Variants in MAGI2 observed in about 807,000 individuals in gnomAD.
MAGI2 encodes the protein membrane-associated guanylate kinase, WW and PDZ domain-containing protein 2.
Under a neutral mutation model 133.3 loss-of-function variants are expected in MAGI2, and 35 were observed. That is an observed-to-expected ratio of 0.26 (90% CI 0.20 to 0.35). The LOEUF (loss-of-function observed/expected upper bound fraction) is 0.35, where lower values mean the gene tolerates loss of function less well. MAGI2 is among the 10% of genes least tolerant of loss of function. MAGI2 has a pLI of 1.00. For missense variants in MAGI2, 1,636 were observed against 1,863.4 expected (o/e 0.88, Z 2.25); for synonymous variants, 729 against 710.6 (o/e 1.03, Z -0.41).
At chr7:78,433,150 AAT>A (rs1240363900) in intron 6 of MAGI2, among the ~76,000 whole-genome samples, 1 of 152,078 alleles carries the variant, frequency 6.6e-6, no homozygotes, top group Non-Finnish European at 1.5e-5. Context: ...TTGAATAATC[AAT>A]GTTTTCCCTT....
chr7:79,129,294 A>C (rs1820704093), intron 1 of MAGI2, among the ~76,000 whole-genome samples: 1 of 152,338 alleles, frequency 6.6e-6, no homozygotes, highest in African/African-American at 2.4e-5. Context: ...ACTGAAAGTG[A>C]AAAACACTTT....
At chr7:78,398,082 T>G (rs1474259087) in intron 6 of MAGI2, among the ~76,000 whole-genome samples, 1 of 152,092 alleles carries the variant, frequency 6.6e-6, no homozygotes, top group Admixed American at 6.6e-5. Context: ...GTGTGTGCTG[T>G]GTGAGAAAAG....
chr7:78,748,701 A>AC (rs1823164611), intron 2 of MAGI2, among the ~76,000 whole-genome samples: 1 of 152,066 alleles, frequency 6.6e-6, no homozygotes, highest in Admixed American at 6.6e-5. Flanking sequence ...GATGTAAAAA[A>AC]GATATCGATA....
chr7:78,789,215 A>G (rs146790200), intron 2 of MAGI2, among the ~76,000 whole-genome samples: 82 of 152,360 alleles, frequency 5.4e-4, no homozygotes, highest in African/African-American at 1.8e-3. Flanking sequence ...AATTAAAAAA[A>G]CCAAGATAAA....
intron 2 of MAGI2, among the ~76,000 whole-genome samples, chr7:78,880,278 T>C (rs1235318479): frequency 6.6e-6 from 1 of 152,148 alleles, no homozygotes; most frequent in Non-Finnish European, 1.5e-5. Flanking sequence ...GTCACCAGAC[T>C]GGCCAAGATC....
chr7:79,368,033 G>T (rs1398831225), intron 1 of MAGI2, among the ~76,000 whole-genome samples: 2 of 151,676 alleles, frequency 1.3e-5, no homozygotes, highest in African/African-American at 4.8e-5. Context: ...CACCAGGTTT[G>T]AGAGTACTCC....
chr7:78,703,359 G>T (rs1000739403), intron 2 of MAGI2, among the ~76,000 whole-genome samples: 16 of 152,034 alleles, frequency 1.1e-4, no homozygotes, highest in African/African-American at 3.4e-4. Context: ...GAAGCAGACT[G>T]TAACACAAGT....
chr7:79,079,132 CT>C (rs1350887690), intron 1 of MAGI2, among the ~76,000 whole-genome samples: 2 of 152,074 alleles, frequency 1.3e-5, no homozygotes, highest in Non-Finnish European at 2.9e-5. Flanking sequence ...CTCTCACCCC[CT>C]CCTCATTTCT....
intron 9 of MAGI2, among the ~76,000 whole-genome samples, chr7:78,294,457 T>TTAC (rs1562771657): frequency 6.6e-6 from 1 of 152,034 alleles, no homozygotes; most frequent in Non-Finnish European, 1.5e-5. Context: ...TCTAAAGGTC[T>TTAC]TAACTCTGTT....
chr7:78,840,839 G>T (rs1207817), intron 2 of MAGI2, among the ~76,000 whole-genome samples: 149,818 of 151,676 alleles, frequency 0.99, 73,998 homozygotes, highest in Non-Finnish European at 1. Context: ...AATCTCCTTT[G>T]TTTTTTCATT....
intron 3 of MAGI2, among the ~76,000 whole-genome samples, chr7:78,553,849 A>G (rs952797017): frequency 1.3e-5 from 2 of 152,074 alleles, no homozygotes; most frequent in Admixed American, 6.6e-5. Flanking sequence ...TATGATATGT[A>G]TTTGTCCTAC....
At chr7:78,549,684 TA>T (rs1169449688) in intron 3 of MAGI2, among the ~76,000 whole-genome samples, 1 of 152,152 alleles carries the variant, frequency 6.6e-6, no homozygotes, top group African/African-American at 2.4e-5. Flanking sequence ...ATGTGACACA[TA>T]AAAAAGACTA....
chr7:78,021,733 TA>T (rs1202495490), intron 21 of MAGI2, among the ~76,000 whole-genome samples: 1 of 152,246 alleles, frequency 6.6e-6, no homozygotes, highest in Non-Finnish European at 1.5e-5. Context: ...GGTAAAATCC[TA>T]GAAGTCCTGG....
chr7:79,235,498 G>A (rs970391848), intron 1 of MAGI2, among the ~76,000 whole-genome samples: 2 of 152,222 alleles, frequency 1.3e-5, no homozygotes, highest in African/African-American at 2.4e-5. Flanking sequence ...ATCTCGTGGT[G>A]TGCCGTTTTT....
chr7:78,948,367 A>T (rs1282232422), intron 2 of MAGI2, among the ~76,000 whole-genome samples: 1 of 151,638 alleles, frequency 6.6e-6, no homozygotes, highest in African/African-American at 2.4e-5. Flanking sequence ...ATTAGAGAGG[A>T]TTGACTTGAG....
intron 9 of MAGI2, among the ~76,000 whole-genome samples, chr7:78,312,833 T>A (rs1008588526): frequency 6.6e-6 from 1 of 151,772 alleles, no homozygotes; most frequent in African/African-American, 2.4e-5. Context: ...GATACCTGCA[T>A]ACATATATAT....
At chr7:78,813,251 C>T (rs1005076967) in intron 2 of MAGI2, among the ~76,000 whole-genome samples, 5 of 152,060 alleles carry the variant, frequency 3.3e-5, no homozygotes, top group Non-Finnish European at 7.4e-5. Context: ...TCAAGAAAAC[C>T]ACAGACCAGT....
intron 1 of MAGI2, among the ~76,000 whole-genome samples, chr7:79,304,177 T>C (rs1049294070): frequency 4.6e-4 from 12 of 26,350 alleles, no homozygotes; most frequent in African/African-American, 1.6e-3. Flanking sequence ...AATTTTCAAC[T>C]GGGATGTGTG....
chr7:78,621,604 A>T (rs776376736), intron 3 of MAGI2, among the ~76,000 whole-genome samples: 2 of 151,962 alleles, frequency 1.3e-5, no homozygotes, highest in Non-Finnish European at 2.9e-5. Flanking sequence ...TGGGGGGTGG[A>T]AGCAGAAGAA....
Sources: gnomAD v4.1 joint callset for allele counts (sites outside exome capture counted in the v4.1 genomes callset) on GRCh38, gnomAD v4.1.1 for gene constraint, MANE v1.5 for transcripts, NCBI Gene and HGNC (gene_info 2026-07-23, HGNC 2026-07-21) for gene names.